CREB5: variants seen among roughly 807,000 people sequenced by gnomAD.
CREB5 encodes cAMP responsive element binding protein 5, also known as cyclic AMP-responsive element-binding protein 5.
Under a neutral mutation model 57.1 loss-of-function variants are expected in CREB5, and 19 were observed. That is an observed-to-expected ratio of 0.33 (90% CI 0.23 to 0.49). The LOEUF is 0.49. Among genes scored for constraint, CREB5 ranks in the 20% least tolerant of loss-of-function variants. CREB5 has a pLI of 0.99. For missense variants in CREB5, 579 were observed against 671.6 expected (o/e 0.86, Z 1.52); for synonymous variants, 238 against 238.3 (o/e 1.00, Z 0.01).
intron 7 of CREB5, among the ~76,000 whole-genome samples, chr7:28,757,684 AAAG>A (rs961668525): frequency 2.6e-5 from 4 of 152,080 alleles, no homozygotes; most frequent in African/African-American, 9.7e-5. Context: ...AAAAAAAAAA[AAAG>A]AAGTAATAGT....
chr7:28,574,252 G>T (rs1457263304), intron 5 of CREB5, among the ~76,000 whole-genome samples: 1 of 152,178 alleles, frequency 6.6e-6, no homozygotes, highest in Non-Finnish European at 1.5e-5. Context: ...AATCGATCCA[G>T]CCTTGAACCA....
chr7:28,373,504 G>A (rs1354593252), intron 1 of CREB5, among the ~76,000 whole-genome samples: 2 of 148,918 alleles, frequency 1.3e-5, no homozygotes, highest in Non-Finnish European at 3.0e-5. Flanking sequence ...GCAGTAGCGC[G>A]ACCTTGGCTC....
intron 4 of CREB5, among the ~76,000 whole-genome samples, chr7:28,545,088 C>G (rs978626220): frequency 6.6e-6 from 1 of 152,150 alleles, no homozygotes; most frequent in Non-Finnish European, 1.5e-5. Context: ...CATTTCAGCA[C>G]TGCTTAGATC....
chr7:28,519,778 C>T (rs1021808525), intron 4 of CREB5, among the ~76,000 whole-genome samples: 4 of 152,228 alleles, frequency 2.6e-5, no homozygotes, highest in Admixed American at 2.6e-4. Flanking sequence ...CTGTTAATAA[C>T]ACTGACGGAA....
intron 5 of CREB5, among the ~76,000 whole-genome samples, chr7:28,594,177 C>T (rs1796620746): frequency 6.6e-6 from 1 of 152,220 alleles, no homozygotes; most frequent in African/African-American, 2.4e-5. Flanking sequence ...CCGCTAGACT[C>T]TCTTAGCAAA....
chr7:28,536,009 G>C (rs1793952624), intron 4 of CREB5, among the ~76,000 whole-genome samples: 2 of 152,206 alleles, frequency 1.3e-5, no homozygotes, highest in Admixed American at 6.5e-5. Flanking sequence ...GCTGTAAATG[G>C]GTCCCTCAGA....
At chr7:28,353,385 T>C (rs1317967282) in intron 1 of CREB5, among the ~76,000 whole-genome samples, 1 of 152,254 alleles carries the variant, frequency 6.6e-6, no homozygotes, top group African/African-American at 2.4e-5. Flanking sequence ...GGAGAATCTA[T>C]GGGAGGGGCA....
At chr7:28,429,068 C>T (rs763954504) in intron 1 of CREB5, among the ~76,000 whole-genome samples, 5 of 152,184 alleles carry the variant, frequency 3.3e-5, no homozygotes, top group Non-Finnish European at 7.3e-5. Flanking sequence ...CTCTGCCACC[C>T]AGGCTAGGGT....
At chr7:28,494,747 T>TA (rs1791947639) in intron 2 of CREB5, among the ~76,000 whole-genome samples, 159 bp from the exon 3 acceptor site, 1 of 152,154 alleles carries the variant, frequency 6.6e-6, no homozygotes, top group Non-Finnish European at 1.5e-5. Context: ...CAACTTCACT[T>TA]ACTCATGCTT....
At chr7:28,334,597 A>C (rs1327959547) in intron 1 of CREB5, among the ~76,000 whole-genome samples, 1 of 152,168 alleles carries the variant, frequency 6.6e-6, no homozygotes, top group East Asian at 1.9e-4. Context: ...TCTGGTTATT[A>C]ATCTCTGGTC....
chr7:28,429,083 T>C (rs1238142460), intron 1 of CREB5, among the ~76,000 whole-genome samples: 1 of 152,172 alleles, frequency 6.6e-6, no homozygotes, highest in African/African-American at 2.4e-5. Context: ...TAGGGTACAA[T>C]GGCACAACCT....
At chr7:28,340,259 C>A (rs1301893906) in intron 1 of CREB5, among the ~76,000 whole-genome samples, 1 of 152,194 alleles carries the variant, frequency 6.6e-6, no homozygotes, top group African/African-American at 2.4e-5. Context: ...ACACCTAAAG[C>A]CAGCATGGCT....
intron 5 of CREB5, among the ~76,000 whole-genome samples, chr7:28,623,936 A>G (rs1797897408): frequency 6.6e-6 from 1 of 152,212 alleles, no homozygotes; most frequent in Non-Finnish European, 1.5e-5. Flanking sequence ...GATTTTCTCT[A>G]AGATCAAAAC....
intron 1 of CREB5, among the ~76,000 whole-genome samples, chr7:28,341,526 G>A (rs979392921): frequency 2.0e-5 from 3 of 152,076 alleles, no homozygotes; most frequent in Admixed American, 6.5e-5. Context: ...AATTTCTAAC[G>A]GACACCTTGT....
At chr7:28,470,407 A>G (rs1158228511) in intron 1 of CREB5, among the ~76,000 whole-genome samples, 1 of 152,160 alleles carries the variant, frequency 6.6e-6, no homozygotes, top group Non-Finnish European at 1.5e-5. Context: ...ACTGAATCTC[A>G]TTCTTTTTTA....
intron 1 of CREB5, among the ~76,000 whole-genome samples, chr7:28,366,133 C>G (rs1399846284): frequency 6.6e-6 from 1 of 152,112 alleles, no homozygotes; most frequent in Non-Finnish European, 1.5e-5. Flanking sequence ...CTCAACTTCA[C>G]CCGCAAAAAA....
At chr7:28,494,456 T>C (rs1415823339) in intron 2 of CREB5, among the ~76,000 whole-genome samples, 2 of 152,198 alleles carry the variant, frequency 1.3e-5, no homozygotes, top group African/African-American at 4.8e-5. Flanking sequence ...ATACAAAGTT[T>C]AAAGTGCAAA....
chr7:28,549,124 C>T (rs1034468506), intron 4 of CREB5, among the ~76,000 whole-genome samples: 14 of 152,174 alleles, frequency 9.2e-5, no homozygotes, highest in African/African-American at 3.1e-4. Context: ...GACACCACCA[C>T]CCTCATTTCC....
intron 4 of CREB5, among the ~76,000 whole-genome samples, chr7:28,556,155 G>A (rs1794863724): frequency 6.6e-6 from 1 of 152,184 alleles, no homozygotes; most frequent in Admixed American, 6.5e-5. Context: ...CTCCTGCTCA[G>A]TAATTTTGGC....
Sources: allele counts gnomAD v4.1 joint callset (sites outside exome capture counted in the v4.1 genomes callset), GRCh38; gene constraint gnomAD v4.1.1; transcripts MANE v1.5; gene names NCBI Gene and HGNC (gene_info 2026-07-23, HGNC 2026-07-21).